Variants in CREB5 observed in about 807,000 individuals in gnomAD.
CREB5 encodes the protein cAMP responsive element binding protein 5.
In CREB5, 19 loss-of-function variants were observed where a neutral mutation model predicts 57.1. The observed-to-expected ratio is 0.33, with a 90% CI of 0.23 to 0.49. The LOEUF (loss-of-function observed/expected upper bound fraction) is 0.49, where lower values mean the gene tolerates loss of function less well. Ranked by LOEUF, CREB5 falls within the 20% of genes least tolerant of loss-of-function variation. The pLI is 0.99. For synonymous variants in CREB5, 238 were observed against 238.3 expected, an observed-to-expected ratio of 1.00 and a Z score of 0.01; for missense variants, 579 against 671.6, an observed-to-expected ratio of 0.86 and a Z score of 1.52.
At chr7:28,570,118 T>C (rs1795636442) in intron 4 of CREB5, among the ~76,000 whole-genome samples, 1 of 152,210 alleles carries the variant, frequency 6.6e-6, no homozygotes, top group Admixed American at 6.5e-5. Flanking sequence ...CACATCAGGA[T>C]GGCAGCAGAG....
At position 28,821,888 on chromosome 7, in the gene CREB5, G is replaced by T. The variant is rs1259049228; in HGVS notation, c.*2609G>T. 1.3e-5 allele frequency: 2 copies of T among 152,566 alleles called. No individual in the cohort carries two copies. The highest frequency in any genetic ancestry group is 2.4e-5 in the African/African-American group (1 of 41,420). The allele number at this position is 152,566 out of a possible 1,614,324, so 9.5% of individuals were successfully genotyped here. ...CTGCATGCATAGCACTTAATAAAAT[G>T]GATTTTTAAAAAATCCACTAGTAAT... On this transcript the variant is annotated 3_prime_UTR_variant, in exon 11 of 11. Coordinates refer to ENST00000357727, the MANE Select transcript of CREB5 (RefSeq NM_182898.4).
chr7:28,697,087 C>T (rs1801616677), intron 5 of CREB5, among the ~76,000 whole-genome samples: 1 of 151,944 alleles, frequency 6.6e-6, no homozygotes, highest in Non-Finnish European at 1.5e-5. Context: ...TATATACACA[C>T]ACACAATTTT....
intron 8 of CREB5, 118 bp from the exon 9 acceptor site, chr7:28,809,069 T>C (rs1378163325): frequency 3.2e-5 from 28 of 888,234 alleles, no homozygotes; most frequent in Non-Finnish European, 4.9e-5. Context: ...AAGTCTCATA[T>C]GCTGACTGAA....
intron 1 of CREB5, among the ~76,000 whole-genome samples, chr7:28,334,221 T>C (rs1046728248): frequency 6.6e-6 from 1 of 152,070 alleles, no homozygotes; most frequent in African/African-American, 2.4e-5. Context: ...AATGGTGCAA[T>C]CTTGGCTCAC....
At chr7:28,314,316 A>G (rs969279172) in intron 1 of CREB5, among the ~76,000 whole-genome samples, 3 of 152,192 alleles carry the variant, frequency 2.0e-5, no homozygotes, top group African/African-American at 7.2e-5. Flanking sequence ...CCTACATTCA[A>G]AGGCTGGAAA....
At chr7:28,502,005 C>A (rs1338777724) in intron 3 of CREB5, among the ~76,000 whole-genome samples, 1 of 152,072 alleles carries the variant, frequency 6.6e-6, no homozygotes, top group East Asian at 1.9e-4. Flanking sequence ...TGTTCCATCT[C>A]CCCACTGACC....
chr7:28,653,412 T>C (rs1333219297), intron 5 of CREB5, among the ~76,000 whole-genome samples: 2 of 152,180 alleles, frequency 1.3e-5, no homozygotes, highest in Non-Finnish European at 1.5e-5. Context: ...TAGTGTTTCA[T>C]TGAGCCTGAC....
chr7:28,655,950 CAGTT>C (rs1428651065), intron 5 of CREB5, among the ~76,000 whole-genome samples: 2 of 151,966 alleles, frequency 1.3e-5, no homozygotes, highest in Non-Finnish European at 2.9e-5. Context: ...TCAAGGCCAA[CAGTT>C]AGAGCTGGAC....
intron 1 of CREB5, among the ~76,000 whole-genome samples, chr7:28,395,333 C>T (rs1787313355): frequency 6.6e-6 from 1 of 152,212 alleles, no homozygotes. Context: ...GTGATACAAA[C>T]TTCCCTTTTA....
chr7:28,652,032 A>C (rs1799147057), intron 5 of CREB5, among the ~76,000 whole-genome samples: 1 of 152,170 alleles, frequency 6.6e-6, no homozygotes, highest in Non-Finnish European at 1.5e-5. Context: ...AGATATTGAC[A>C]TTATTATTAT....
chr7:28,705,921 A>T (rs1246145053), intron 5 of CREB5, among the ~76,000 whole-genome samples: 1 of 152,248 alleles, frequency 6.6e-6, no homozygotes, highest in Non-Finnish European at 1.5e-5. Context: ...TAATGAACAG[A>T]CACAGACATT....
chr7:28,529,279 A>G (rs1793614184), intron 4 of CREB5, among the ~76,000 whole-genome samples: 1 of 152,126 alleles, frequency 6.6e-6, no homozygotes, highest in East Asian at 1.9e-4. Context: ...CTAATTGACC[A>G]CTCAGGCAAT....
chr7:28,586,327 A>G (rs1796306236), intron 5 of CREB5, among the ~76,000 whole-genome samples: 1 of 152,212 alleles, frequency 6.6e-6, no homozygotes, highest in Admixed American at 6.5e-5. Flanking sequence ...GTTCCCCCAA[A>G]GAAGCTCAGA....
At chr7:28,641,289 C>G (rs187135595) in intron 5 of CREB5, among the ~76,000 whole-genome samples, 2 of 152,298 alleles carry the variant, frequency 1.3e-5, no homozygotes, top group African/African-American at 2.4e-5. Context: ...ACCACCCCCC[C>G]ATCGGGTGAT....
At chr7:28,623,397 T>C (rs1175662979) in intron 5 of CREB5, among the ~76,000 whole-genome samples, 2 of 152,048 alleles carry the variant, frequency 1.3e-5, no homozygotes, top group Non-Finnish European at 2.9e-5. Flanking sequence ...TAAAAAAGAG[T>C]CTTTATATGT....
At chr7:28,668,896 T>G (rs1799928724) in intron 5 of CREB5, among the ~76,000 whole-genome samples, 1 of 152,174 alleles carries the variant, frequency 6.6e-6, no homozygotes, top group South Asian at 2.1e-4. Context: ...TTTCAGAGGC[T>G]GGGGCCCTCT....
chr7:28,731,854 CTA>C (rs1803653039), intron 7 of CREB5, among the ~76,000 whole-genome samples: 1 of 152,216 alleles, frequency 6.6e-6, no homozygotes. Context: ...GCTCAATTCT[CTA>C]TGATTCTTCC....
chr7:28,542,575 GGTGTGTGTGTGA>G (rs1172362186), intron 4 of CREB5, among the ~76,000 whole-genome samples: 2 of 151,886 alleles, frequency 1.3e-5, no homozygotes, highest in East Asian at 3.9e-4. Flanking sequence ...TGAGTGCACG[GGTGTGTGTGTGA>G]GTGTGTGTGT....
chr7:28,755,316 C>T (rs1422189870), intron 7 of CREB5, among the ~76,000 whole-genome samples: 2 of 152,134 alleles, frequency 1.3e-5, no homozygotes, highest in Non-Finnish European at 2.9e-5. Flanking sequence ...GTATTGGTGC[C>T]GTATTTATAA....
Sources: gnomAD v4.1 joint callset for allele counts (sites outside exome capture counted in the v4.1 genomes callset) on GRCh38, gnomAD v4.1.1 for gene constraint, MANE v1.5 for transcripts, NCBI Gene and HGNC (gene_info 2026-07-23, HGNC 2026-07-21) for gene names.